OCIAD1: variants seen among roughly 807,000 people sequenced by gnomAD.
The protein encoded by OCIAD1 is OCIA domain-containing protein 1.
In OCIAD1, 29 loss-of-function variants were observed where a neutral mutation model predicts 38.9. The observed-to-expected ratio is 0.74, with a 90% CI of 0.55 to 1.02. The LOEUF (loss-of-function observed/expected upper bound fraction) is 1.02, where lower values mean the gene tolerates loss of function less well. Among genes scored for constraint, OCIAD1 ranks in the 50% least tolerant of loss-of-function variants. OCIAD1 has a pLI of 0.00. For synonymous variants in OCIAD1, 110 were observed against 92.0 expected (o/e 1.20, Z -1.12); for missense variants, 288 against 289.6 (o/e 0.99, Z 0.04).
upstream of OCIAD1, among the ~76,000 whole-genome samples, chr4:48,830,185 C>T (rs1201432802): frequency 1.3e-5 from 2 of 152,152 alleles, no homozygotes; most frequent in South Asian, 2.1e-4. Context: ...GCCTTATATT[C>T]GGTGCATGAC....
intron 1 of OCIAD1, among the ~76,000 whole-genome samples, chr4:48,816,065 A>G (rs1777139150): frequency 6.6e-6 from 1 of 152,216 alleles, no homozygotes; most frequent in Admixed American, 6.5e-5. Flanking sequence ...TCTGTCACAA[A>G]TGTATAAAGT....
chr4:48,846,962 C>A (rs573537180), intron 4 of OCIAD1, among the ~76,000 whole-genome samples: 2 of 152,078 alleles, frequency 1.3e-5, no homozygotes, highest in Non-Finnish European at 1.5e-5. Context: ...TTCACTGTTA[C>A]AATTAGTTTT....
In OCIAD1 at chr4:48,807,659, G is replaced by A. The variant is rs80233357; in HGVS notation, c.-103+2329G>A. ...TCCATCATTTTAATCACTGGTTTCC[G>A]GTTGCAGGCTGGCCCAAGCAAAATC... On this transcript the variant is annotated intron_variant, in intron 1 of 6. Transcript: ENST00000504654. Among the ~76,000 whole-genome samples the A allele has an allele frequency of 4.4e-3, 669 of 151,976 alleles. 10 individuals are homozygous for A. Among genetic ancestry groups the A allele is most frequent in the African/African-American group, 0.016 (652 of 41,430 alleles).
In OCIAD1 at chr4:48,850,066, C is replaced by T. The variant is rs772791631; in HGVS notation, c.361C>T (p.Arg121Ter). 20 of 1,611,174 alleles carry T rather than the reference C, an allele frequency of 1.2e-5. No homozygotes were observed. In the African/African-American group the frequency reaches 1.9e-4, roughly 15 times the overall value. Residue 121 changes from arginine (R) to a stop codon, truncating the protein, a stop_gained, in exon 6 of 9, where the codon CGA (arginine) becomes TGA (stop). Transcript: ENST00000264312. LOFTEE classifies it high-confidence loss of function. ...GEALRSGQAR[R>*]SSPPGHYYQK... The stretch of plus-strand genomic sequence containing the variant: ...AGCTTTACGATCAGGACAAGCACGA[C>T]GATCTTCACCACCTGGGTAGGCCAG...
chr4:48,851,580 G>C (rs942616195), intron 6 of OCIAD1, among the ~76,000 whole-genome samples: 1 of 152,058 alleles, frequency 6.6e-6, no homozygotes, highest in Non-Finnish European at 1.5e-5. Context: ...AAGCTGAGGG[G>C]TAGGAGGATT....
intron 1 of OCIAD1, among the ~76,000 whole-genome samples, chr4:48,810,332 G>C (rs188694214): frequency 6.6e-6 from 1 of 151,762 alleles, no homozygotes; most frequent in African/African-American, 2.4e-5. Flanking sequence ...AGCCGGGCGC[G>C]GTGGCGGGTG....
rs538776293 is a variant in OCIAD1, at chr4:48,818,808, C to T, written c.-102-11769C>T. On this transcript the variant is annotated intron_variant, in intron 1 of 6. Transcript: ENST00000504654. ...AGTATCAATAGCTGAATTGATCAAG[C>T]GGAAGAAAGGATATTGGATATTAAA... Among the ~76,000 whole-genome samples, 14 of 151,206 alleles carry T rather than the reference C, an allele frequency of 9.3e-5. No homozygotes were observed. The South Asian group carries it at 2.1e-3, about 23-fold the overall frequency.
At chr4:48,858,691 C>A (rs1780320764) in intron 8 of OCIAD1, among the ~76,000 whole-genome samples, 1 of 152,126 alleles carries the variant, frequency 6.6e-6, no homozygotes, top group South Asian at 2.1e-4. Context: ...CTGGGCTCAA[C>A]CAGTCCTTTC....
intron 1 of OCIAD1, among the ~76,000 whole-genome samples, chr4:48,818,043 A>T (rs1216922537): frequency 6.6e-6 from 1 of 152,110 alleles, no homozygotes; most frequent in Non-Finnish European, 1.5e-5. Flanking sequence ...GACAAAAGGG[A>T]TTCTCCCAGC....
At chr4:48,847,906 TG>T (rs1779107356) in intron 4 of OCIAD1, among the ~76,000 whole-genome samples, 1 of 152,202 alleles carries the variant, frequency 6.6e-6, no homozygotes, top group Admixed American at 6.5e-5. Context: ...TGATTTTAAT[TG>T]GGATTGCATT....
At chr4:48,834,382 G>T (rs1579053444) in intron 3 of OCIAD1, among the ~76,000 whole-genome samples, 1 of 152,204 alleles carries the variant, frequency 6.6e-6, no homozygotes, top group Admixed American at 6.5e-5. Flanking sequence ...ATGTTGGCCA[G>T]GCTGGTCTTG....
intron 6 of OCIAD1, among the ~76,000 whole-genome samples, chr4:48,850,291 C>G (rs944318446): frequency 7.9e-5 from 12 of 152,150 alleles, no homozygotes; most frequent in African/African-American, 2.7e-4. Context: ...TGGGATCTCC[C>G]TCTGTTGCGC....
chr4:48,841,703 A>G lies in OCIAD1; in HGVS notation c.140-933A>G, dbSNP rs1036185023. Among the ~76,000 whole-genome samples the G allele has an allele frequency of 4.6e-5, 7 of 152,318 alleles. No homozygotes were observed. The East Asian group carries it at 1.3e-3, about 29-fold the overall frequency. On this transcript the variant is annotated intron_variant, in intron 3 of 8. Transcript: ENST00000264312. ...GTCAAGTACCAAGACCAAATTGATC[A>G]CAGGGTTGGTCACTCAAAGACCAAC...
intron 1 of OCIAD1, among the ~76,000 whole-genome samples, chr4:48,818,669 G>A (rs1777163816): frequency 6.6e-6 from 1 of 152,148 alleles, no homozygotes; most frequent in Admixed American, 6.5e-5. Flanking sequence ...AGGAAGCTAA[G>A]AACCTTGATA....
rs771407170 is a variant in OCIAD1, at chr4:48,833,461, A to G, written c.119A>G (p.Asp40Gly). 6.2e-7 allele frequency: 1 copy of G among 1,602,446 alleles called. No homozygotes were observed. Among genetic ancestry groups the G allele is most frequent in the South Asian group, 1.1e-5 (1 of 90,426 alleles). ...AGGAGAGTCTTCGCAGAATGCAATG[A>G]TGAAAGCTTCTGGTTCAGATGTGAG... ...EERRVFAECN[D>G]ESFWFRSVPL... Residue 40 changes from aspartate (D) to glycine (G), a missense_variant, in exon 3 of 9, where the codon GAT (aspartate) becomes GGT (glycine). Asp to Gly is a moderately conservative substitution (Grantham distance 94). Transcript: ENST00000264312.
At chr4:48,814,802 G>A (rs1777128952) in intron 1 of OCIAD1, among the ~76,000 whole-genome samples, 2 of 151,990 alleles carry the variant, frequency 1.3e-5, no homozygotes, top group Non-Finnish European at 2.9e-5. Context: ...TGCTGTGTTA[G>A]GTACTTTATA....
intron 1 of OCIAD1, among the ~76,000 whole-genome samples, chr4:48,809,222 T>C (rs773881455): frequency 6.6e-6 from 1 of 152,158 alleles, no homozygotes; most frequent in Non-Finnish European, 1.5e-5. Flanking sequence ...CCTATTGCCT[T>C]CAAGATAAAA....
chr4:48,820,354 G>A (rs1384579585), intron 1 of OCIAD1, among the ~76,000 whole-genome samples: 1 of 152,156 alleles, frequency 6.6e-6, no homozygotes, highest in African/African-American at 2.4e-5. Flanking sequence ...TGAAACCAAT[G>A]AGGACAAAGA....
At chr4:48,838,696 A>G (rs2109537641) in intron 3 of OCIAD1, among the ~76,000 whole-genome samples, 1 of 152,352 alleles carries the variant, frequency 6.6e-6, no homozygotes, top group Middle Eastern at 3.4e-3. Flanking sequence ...GGATTAGAAA[A>G]AGGTGATAAA....
Sources: allele counts gnomAD v4.1 joint callset (sites outside exome capture counted in the v4.1 genomes callset), GRCh38; gene constraint gnomAD v4.1.1; transcripts MANE v1.5; gene names NCBI Gene and HGNC (gene_info 2026-07-23, HGNC 2026-07-21).